POU5F1: variants seen among roughly 807,000 people sequenced by gnomAD.
POU5F1 encodes POU class 5 homeobox 1, also known as POU domain, class 5, transcription factor 1.
In POU5F1, 6 loss-of-function variants were observed where a neutral mutation model predicts 38.3. That is an observed-to-expected ratio of 0.16 (90% CI 0.09 to 0.31). The LOEUF (loss-of-function observed/expected upper bound fraction) is 0.31, where lower values mean the gene tolerates loss of function less well. Ranked by LOEUF, POU5F1 falls within the 10% of genes least tolerant of loss-of-function variation. The pLI is 1.00. For synonymous variants in POU5F1, 147 were observed against 194.9 expected (o/e 0.75, Z 2.05); for missense variants, 286 against 462.6 (o/e 0.62, Z 3.50).
intron 1 of POU5F1, chr6:31,166,662 G>GAAA: frequency 2.1e-6 from 2 of 946,668 alleles, no homozygotes; most frequent in Non-Finnish European, 2.6e-6. Context: ...CTGTCTCAAA[G>GAAA]AAAAAAAAAA....
intron 1 of POU5F1, among the ~76,000 whole-genome samples, chr6:31,168,299 G>A (rs1019500444): frequency 6.7e-6 from 1 of 148,662 alleles, no homozygotes; most frequent in Non-Finnish European, 1.5e-5. Flanking sequence ...GCACTGGCGC[G>A]ATCTCGGCTC....
In POU5F1 at chr6:31,170,446, C is replaced by G. The variant is rs1777582711; in HGVS notation, c.175G>C (p.Gly59Arg). The change falls in exon 1 of 5, where the codon GGG becomes CGG. Residue 59 changes from glycine (G) to arginine (R), a missense_variant. Gly to Arg is a moderately radical substitution (Grantham distance 125, BLOSUM62 -2). Transcript: ENST00000259915. ...PGVGPGSEVW[G>R]IPPCPPPYEF... ...TACGGCGGGGGGCATGGGGGAATCC[C>G]CCACACCTCAGAGCCTGGCCCAACC... The G allele has an allele frequency of 1.9e-6, 3 of 1,610,632 alleles. No individual in the cohort carries two copies. The highest frequency in any genetic ancestry group is 1.7e-6 in the Non-Finnish European group (2 of 1,179,210).
chr6:31,166,439 T>C (rs1207472601), intron 1 of POU5F1: 1 of 1,353,388 alleles, frequency 7.4e-7, no homozygotes, highest in Non-Finnish European at 9.7e-7. Flanking sequence ...GGTGGGCAGA[T>C]CACGAGGTCA....
chr6:31,167,199 T>A (rs1582038321), intron 1 of POU5F1: 1 of 318,864 alleles, frequency 3.1e-6, no homozygotes, highest in Non-Finnish European at 6.0e-6. Flanking sequence ...ATAATAAACT[T>A]CCACTCCTGC....
intron 1 of POU5F1, among the ~76,000 whole-genome samples, chr6:31,169,284 C>T (rs1023774261): frequency 6.6e-6 from 1 of 152,126 alleles, no homozygotes; most frequent in Non-Finnish European, 1.5e-5. Flanking sequence ...TGACCTCCTG[C>T]GAAGAGGTTG....
intron 1 of POU5F1, chr6:31,166,947 C>CCTT (rs1777314586): frequency 8.8e-7 from 1 of 1,136,664 alleles, no homozygotes; most frequent in Admixed American, 2.3e-5. Context: ...TGTACTTACT[C>CCTT]ATTTTTTAAA....
chr6:31,169,656 A>ACG (rs1207314540), intron 1 of POU5F1, among the ~76,000 whole-genome samples: 5 of 152,130 alleles, frequency 3.3e-5, no homozygotes, highest in African/African-American at 9.7e-5. Context: ...CCAGCTCACA[A>ACG]CGCGCACACA....
chr6:31,169,704 C>T (rs1330613035), intron 1 of POU5F1, among the ~76,000 whole-genome samples: 1 of 152,178 alleles, frequency 6.6e-6, no homozygotes, highest in Non-Finnish European at 1.5e-5. Context: ...AAACGAGTCA[C>T]ACCCTAGACT....
intron 1 of POU5F1, among the ~76,000 whole-genome samples, chr6:31,167,959 C>CCCA (rs1554136003): frequency 3.3e-5 from 5 of 150,756 alleles, no homozygotes; most frequent in Non-Finnish European, 7.4e-5. Flanking sequence ...TTTCTCCCCA[C>CCCA]CAAGACGGAA....
chr6:31,167,373 C>G (rs991766703), intron 1 of POU5F1, among the ~76,000 whole-genome samples: 2 of 151,218 alleles, frequency 1.3e-5, no homozygotes, highest in African/African-American at 4.9e-5. Context: ...CCTTCTCCCA[C>G]CCCTGCTGCC....
chr6:31,170,038 G>T (rs1777545283), intron 1 of POU5F1, 178 bp downstream of exon 1: 1 of 958,576 alleles, frequency 1.0e-6, no homozygotes. Flanking sequence ...TTCCCACCTG[G>T]CCCCTGCCTG....
rs1405994057 is a variant in POU5F1 at position 31,165,897 on chromosome 6, T to A, written c.526+30A>T. Reference sequence around the variant, plus strand: ...TCAGGGATACTCCTTAGAGGGGAGATGCGGTCAGAATCTGCAGAGGGGAAC... The same window carrying A: ...TCAGGGATACTCCTTAGAGGGGAGAAGCGGTCAGAATCTGCAGAGGGGAAC... On this transcript the variant is annotated intron_variant, in intron 2 of 4. Coordinates refer to ENST00000259915, the MANE Select transcript of POU5F1 (RefSeq NM_002701.6). The surrounding 1 kb of genome is among the most constrained non-coding windows in gnomAD (Gnocchi z 6.5). 6.2e-7 allele frequency: 1 copy of A among 1,613,390 alleles called. No homozygotes were observed. Among genetic ancestry groups the A allele is most frequent in the African/African-American group, 1.3e-5 (1 of 74,872 alleles).
At position 31,170,324 on chromosome 6, in the gene POU5F1, T is replaced by C. The variant is rs141749005; in HGVS notation, c.297A>G (p.Ala99=). The C allele has an allele frequency of 3.1e-6, 5 of 1,612,676 alleles. No individual in the cohort carries two copies. Among genetic ancestry groups the C allele is most frequent in the African/African-American group, 1.3e-5 (1 of 74,940 alleles). Residue 99 remains alanine, a synonymous_variant, in exon 1 of 5, where the codon GCA becomes GCG. Transcript: ENST00000259915. ...GLETSQPEGE[A]GVGVESNSDG... ...CGGAGTTGCTCTCCACCCCGACTCCTGCTTCGCCCTCAGGCTGAGAGGTCT... is the reference window on the plus strand; with the variant it reads ...CGGAGTTGCTCTCCACCCCGACTCCCGCTTCGCCCTCAGGCTGAGAGGTCT...
rs760340448 is a variant in POU5F1 at position 31,164,881 on chromosome 6, A to G, written c.817-14T>C. On this transcript the variant is annotated splice_polypyrimidine_tract_variant and intron_variant, in intron 4 of 4. Transcript: ENST00000259915. ...CACTCGGACCACCTGCAAGTGAATG[A>G]CAGAAAGGAGAATGACATTAGACAA... The G allele has an allele frequency of 4.4e-6, 7 of 1,604,074 alleles. No homozygotes were observed. In the East Asian group the frequency reaches 1.1e-4, roughly 26 times the overall value.
In POU5F1 at chr6:31,165,797, C is replaced by A; in HGVS notation, c.527-96G>T. 6.7e-7 allele frequency: 1 copy of A among 1,490,970 alleles called. No homozygotes were observed. The highest frequency in any genetic ancestry group is 1.9e-5 in the African/African-American group (1 of 52,370). 92.4% of individuals were successfully genotyped at this position (1,490,970 alleles called of 1,614,324 possible). ...GCTTACCACCTCTTCCCAGAGGGAGCTCAAAGCATCTTCTCCCTCTCCCTA... is the reference window on the plus strand; with the variant it reads ...GCTTACCACCTCTTCCCAGAGGGAGATCAAAGCATCTTCTCCCTCTCCCTA... On this transcript the variant is annotated intron_variant, in intron 2 of 4. Transcript: ENST00000259915. This position sits in a 1 kb window ranked among gnomAD's most constrained non-coding sequence, Gnocchi z 6.5.
chr6:31,168,747 C>G (rs776420464), intron 1 of POU5F1, among the ~76,000 whole-genome samples: 2 of 152,034 alleles, frequency 1.3e-5, no homozygotes, highest in Admixed American at 1.3e-4. Flanking sequence ...GTTCAGGGAG[C>G]CATCACAAGA....
chr6:31,170,252 C>T lies in POU5F1; in HGVS notation c.369G>A (p.Lys123=), dbSNP rs1328584978. The T allele has an allele frequency of 6.2e-7, 1 of 1,612,968 alleles. No individual in the cohort carries two copies. The part of the protein sequence containing the change: ...EPCTVTPGAV[K]LEKEKLEQNP... ...TTTGCTCCAGCTTCTCCTTCTCCAG[C>T]TTCACGGCACCAGGGGTGACGGTGC... is the stretch of plus-strand genomic sequence containing the variant. The change falls in exon 1 of 5, where the codon AAG becomes AAA. Residue 123 remains lysine (K), a synonymous_variant. Coordinates refer to ENST00000259915, the MANE Select transcript of POU5F1 (RefSeq NM_002701.6).
intron 1 of POU5F1, among the ~76,000 whole-genome samples, chr6:31,168,074 G>A (rs1777407332): frequency 6.6e-6 from 1 of 151,910 alleles, no homozygotes; most frequent in South Asian, 2.1e-4. Context: ...TGAGTAGCTG[G>A]GACTACAGGC....
In POU5F1 at chr6:31,165,682, C is replaced by T. The variant is rs373808092; in HGVS notation, c.546G>A (p.Thr182=). Residue 182 remains threonine (T), a synonymous_variant, in exon 3 of 5, where the codon ACG becomes ACA. Transcript: ENST00000259915. The surrounding 1 kb of genome is among the most constrained non-coding windows in gnomAD (Gnocchi z 6.5). The part of the protein sequence containing the change: ...GVLFGKVFSQ[T]TICRFEALQL... ...GCAGAGCCTCAAAGCGGCAGATGGT[C>T]GTTTGGCTGAATACCTTCCCTGGGG... The T allele has an allele frequency of 9.3e-5, 150 of 1,613,026 alleles. 7 individuals are homozygous for T. The highest frequency in any genetic ancestry group is 6.7e-4 in the East Asian group (30 of 44,874).
Sources: gnomAD v4.1 joint callset for allele counts (sites outside exome capture counted in the v4.1 genomes callset) on GRCh38, gnomAD v4.1.1 for gene constraint, Gnocchi (gnomAD v3.1) non-coding constraint, MANE v1.5 for transcripts, NCBI Gene and HGNC (gene_info 2026-07-23, HGNC 2026-07-21) for gene names.